The following TRAPPC10 variants were observed in gnomAD, a reference collection of about 807,000 sequenced individuals.
TRAPPC10 encodes the protein TRAPP 130 kDa subunit.
A neutral mutation model predicts 125.5 loss-of-function variants in TRAPPC10; 23 were observed. That is an observed-to-expected ratio of 0.18 (90% CI 0.13 to 0.26). TRAPPC10 has a LOEUF of 0.26. TRAPPC10 is among the 10% of genes least tolerant of loss of function. The pLI, the probability that TRAPPC10 is intolerant of heterozygous loss-of-function variation, is 1.00. For synonymous variants in TRAPPC10, 509 were observed against 518.0 expected, an observed-to-expected ratio of 0.98 and a Z score of 0.24; for missense variants, 1,123 against 1,308.4, an observed-to-expected ratio of 0.86 and a Z score of 2.19.
chr21:44,025,565 T>C (rs1294751297), intron 1 of TRAPPC10, among the ~76,000 whole-genome samples: 1 of 152,240 alleles, frequency 6.6e-6, no homozygotes, highest in Non-Finnish European at 1.5e-5. Context: ...AGAAGGCAAC[T>C]TGTTTCCTTG....
At chr21:44,047,538 G>A (rs2034929033) in intron 3 of TRAPPC10, among the ~76,000 whole-genome samples, 1 of 144,524 alleles carries the variant, frequency 6.9e-6, no homozygotes, top group African/African-American at 2.6e-5. Flanking sequence ...GAGTATGTGT[G>A]TGTGTGTGTG....
At chr21:44,036,984 C>T (rs1404737206) in intron 2 of TRAPPC10, among the ~76,000 whole-genome samples, 1 of 152,146 alleles carries the variant, frequency 6.6e-6, no homozygotes, top group Non-Finnish European at 1.5e-5. Flanking sequence ...CAGGGGAAAA[C>T]TAGAGCCGGC....
chr21:44,062,318 C>T (rs866106375), intron 6 of TRAPPC10, among the ~76,000 whole-genome samples: 2 of 152,138 alleles, frequency 1.3e-5, no homozygotes, highest in Admixed American at 6.5e-5. Flanking sequence ...AGCAGAATCC[C>T]TTTTTTTATG....
intron 20 of TRAPPC10, 122 bp downstream of exon 20, chr21:44,094,355 A>G: frequency 1.0e-6 from 1 of 971,454 alleles, no homozygotes; most frequent in Non-Finnish European, 1.5e-6. Flanking sequence ...CAGCTGGAGA[A>G]AAACAGTTGT....
chr21:44,040,691 G>T (rs1569158341), intron 3 of TRAPPC10, among the ~76,000 whole-genome samples: 1 of 151,702 alleles, frequency 6.6e-6, no homozygotes, highest in Non-Finnish European at 1.5e-5. Context: ...GTGCGATCTT[G>T]GTTCACTGCA....
Position 44,074,466 on chromosome 21 carries a change from A to G in TRAPPC10, c.1181A>G (p.Glu394Gly). The change falls in exon 8 of 23, where the codon GAA becomes GGA. Residue 394 changes from glutamate to glycine, a missense_variant. Around this residue, in one of 4 missense-constraint regions of TRAPPC10, gnomAD observed 840 missense variants for 902.0 expected, o/e 0.93. Transcript: ENST00000291574. ...GTGGGGCTATGGAGCTATGCCACAG[A>G]AAAGGTGCCTACCTGCCCAAGTGTG... ...HTVGLWSYAT[E>G]KLKSLGYLCG... The G allele has an allele frequency of 3.7e-6, 6 of 1,614,132 alleles. No individual in the cohort carries two copies. Among genetic ancestry groups the G allele is most frequent in the Non-Finnish European group, 5.1e-6 (6 of 1,180,004 alleles).
At chr21:44,019,505 A>G (rs2032256092) in intron 1 of TRAPPC10, among the ~76,000 whole-genome samples, 1 of 152,152 alleles carries the variant, frequency 6.6e-6, no homozygotes. Flanking sequence ...ATATAGTCAC[A>G]GTATTTTGGC....
intron 15 of TRAPPC10, among the ~76,000 whole-genome samples, chr21:44,085,453 G>A (rs1474386957): frequency 6.6e-6 from 1 of 152,170 alleles, no homozygotes; most frequent in Non-Finnish European, 1.5e-5. Flanking sequence ...CCAGCACTTT[G>A]GGAGGCCAAG....
intron 1 of TRAPPC10, among the ~76,000 whole-genome samples, chr21:44,015,384 C>A (rs942217788): frequency 6.6e-6 from 1 of 152,096 alleles, no homozygotes; most frequent in Admixed American, 6.5e-5. Context: ...TAGATTATTA[C>A]TTTAAAACCT....
chr21:44,078,539 A>C (rs1485019661), intron 11 of TRAPPC10, among the ~76,000 whole-genome samples: 1 of 151,826 alleles, frequency 6.6e-6, no homozygotes, highest in Non-Finnish European at 1.5e-5. Context: ...ATTTGAACTG[A>C]TGTGAATTGG....
intron 9 of TRAPPC10, among the ~76,000 whole-genome samples, 175 bp from the exon 10 acceptor site, chr21:44,076,375 AAT>A: frequency 6.6e-6 from 1 of 152,368 alleles, no homozygotes; most frequent in East Asian, 1.9e-4. Context: ...CTATTTTATG[AAT>A]ATGTGAATTG....
chr21:44,064,349 A>G (rs1358669211), intron 7 of TRAPPC10, among the ~76,000 whole-genome samples: 1 of 150,614 alleles, frequency 6.6e-6, no homozygotes, highest in Non-Finnish European at 1.5e-5. Context: ...GAGTGTGAGA[A>G]TGTAGTTAGT....
chr21:44,083,995 G>C, intron 14 of TRAPPC10, 127 bp from the exon 15 acceptor site: 1 of 1,029,834 alleles, frequency 9.7e-7, no homozygotes, highest in Non-Finnish European at 1.4e-6. Context: ...ACAAGAGCAG[G>C]GGGTACAAGA....
In TRAPPC10 at chr21:44,021,171, T is replaced by C. The variant is rs1468939374; in HGVS notation, c.67+8611T>C. ...AGCACTGTCTTTGCTTCTCCTGTAG[T>C]CTGTTCTGTCCTTTGGGGATCCTGG... On this transcript the variant is annotated intron_variant, in intron 1 of 22. Transcript: ENST00000291574. 2.0e-5 allele frequency among the ~76,000 whole-genome samples: 3 copies of C among 152,232 alleles called. No individual in the cohort carries two copies. The East Asian group carries it at 5.8e-4, about 29-fold the overall frequency.
intron 3 of TRAPPC10, among the ~76,000 whole-genome samples, chr21:44,039,182 A>G (rs1235585721): frequency 2.6e-5 from 4 of 152,196 alleles, no homozygotes; most frequent in African/African-American, 9.6e-5. Context: ...CCCCTCACCC[A>G]GTGGTGATTC....
In TRAPPC10 at chr21:44,032,078, C is replaced by T; in HGVS notation, c.68-13C>T. ...AAAAATATGGTAACTGAATTTCTTT[C>T]TTCCCTTCATAGGTGCTGGAGATCA... On this transcript the variant is annotated splice_polypyrimidine_tract_variant and intron_variant, in intron 1 of 22. Coordinates refer to ENST00000291574, the MANE Select transcript of TRAPPC10 (RefSeq NM_003274.5). The T allele has an allele frequency of 6.2e-7, 1 of 1,605,162 alleles. No homozygotes were observed. The highest frequency in any genetic ancestry group is 8.5e-7 in the Non-Finnish European group (1 of 1,175,546).
At chr21:44,041,577 G>A (rs909153044) in intron 3 of TRAPPC10, among the ~76,000 whole-genome samples, 5 of 151,944 alleles carry the variant, frequency 3.3e-5, no homozygotes, top group Admixed American at 2.6e-4. Context: ...TCTCCATGTT[G>A]GTCAGGCTGG....
chr21:44,045,785 C>A (rs1381472914), intron 3 of TRAPPC10, among the ~76,000 whole-genome samples: 1 of 151,404 alleles, frequency 6.6e-6, no homozygotes, highest in East Asian at 1.9e-4. Context: ...CTCGAGCTCC[C>A]GACCTTCTGA....
intron 1 of TRAPPC10, among the ~76,000 whole-genome samples, chr21:44,029,026 C>G (rs980567390): frequency 6.6e-6 from 1 of 152,188 alleles, no homozygotes; most frequent in Non-Finnish European, 1.5e-5. Flanking sequence ...ATTTAATTAC[C>G]TACCGCGTGA....
Sources: allele counts gnomAD v4.1 joint callset (sites outside exome capture counted in the v4.1 genomes callset), GRCh38; gene constraint gnomAD v4.1.1; regional missense constraint gnomAD v4.1.1; transcripts MANE v1.5; gene names NCBI Gene and HGNC (gene_info 2026-07-23, HGNC 2026-07-21).